CTNNA2: variants seen among roughly 807,000 people sequenced by gnomAD.
CTNNA2 encodes the protein catenin alpha 2, also known as catenin alpha-2.
In CTNNA2, 42 loss-of-function variants were observed where a neutral mutation model predicts 101.0. The ratio of observed to expected loss-of-function variants is 0.42; its 90% confidence interval spans 0.32 to 0.54. CTNNA2 has a LOEUF of 0.54. Among genes scored for constraint, CTNNA2 ranks in the 20% least tolerant of loss-of-function variants. The probability of loss-of-function intolerance (pLI) is 0.14; values close to 1 mark genes in which losing one functional copy is unlikely to be tolerated. For missense variants in CTNNA2, 871 were observed against 1,223.1 expected (o/e 0.71, Z 4.29); for synonymous variants, 450 against 456.4 (o/e 0.99, Z 0.18).
intron 7 of CTNNA2, among the ~76,000 whole-genome samples, chr2:80,176,093 A>G (rs1409067205): frequency 6.6e-6 from 1 of 152,198 alleles, no homozygotes; most frequent in Non-Finnish European, 1.5e-5. Flanking sequence ...TCCAGGAACA[A>G]TACTTTGCAT....
In CTNNA2 at chr2:79,769,567, T is replaced by G. The variant is rs575242680; in HGVS notation, c.298+24985T>G. On this transcript the variant is annotated intron_variant, in intron 3 of 18. Transcript: ENST00000402739. Reference sequence around the variant, plus strand: ...TCCTAATTTAGCCCTTAGTAAAGATTAATCCCTAGCTCTGTCATTGTGCCT... The same window carrying G: ...TCCTAATTTAGCCCTTAGTAAAGATGAATCCCTAGCTCTGTCATTGTGCCT... Among the ~76,000 whole-genome samples the G allele has an allele frequency of 1.3e-4, 20 of 152,336 alleles. 2 individuals are homozygous for G. In the South Asian group the frequency reaches 3.9e-3, roughly 30 times the overall value.
intron 7 of CTNNA2, among the ~76,000 whole-genome samples, chr2:80,203,328 G>C (rs939235501): frequency 2.0e-5 from 3 of 152,172 alleles, no homozygotes; most frequent in East Asian, 3.8e-4. Context: ...TCCAAGACAA[G>C]CAATTCCCTT....
intron 7 of CTNNA2, among the ~76,000 whole-genome samples, chr2:80,356,230 G>A (rs1286174642): frequency 6.6e-6 from 1 of 152,150 alleles, no homozygotes; most frequent in Non-Finnish European, 1.5e-5. Context: ...CAAAAACCAG[G>A]TAAGTGGATT....
chr2:79,612,414 TA>T (rs1678336911), intron 1 of CTNNA2, among the ~76,000 whole-genome samples: 1 of 152,176 alleles, frequency 6.6e-6, no homozygotes, highest in Non-Finnish European at 1.5e-5. Flanking sequence ...GTTTCATTGT[TA>T]GGTAGACTGT....
At chr2:79,886,858 C>T (rs1683919883) in intron 6 of CTNNA2, among the ~76,000 whole-genome samples, 1 of 150,284 alleles carries the variant, frequency 6.7e-6, no homozygotes, top group South Asian at 2.1e-4. Context: ...ACAGGGTCTC[C>T]CTCTGTCACC....
At chr2:80,075,868 C>A (rs947661899) in intron 7 of CTNNA2, among the ~76,000 whole-genome samples, 2 of 149,768 alleles carry the variant, frequency 1.3e-5, no homozygotes, top group African/African-American at 4.9e-5. Context: ...GTGTCTTAGG[C>A]CATCACTCTA....
chr2:80,182,790 G>T (rs1705865611), intron 7 of CTNNA2, among the ~76,000 whole-genome samples: 1 of 152,190 alleles, frequency 6.6e-6, no homozygotes, highest in Non-Finnish European at 1.5e-5. Context: ...CCAGGCAGAA[G>T]CAGTAGTGAG....
intron 2 of CTNNA2, among the ~76,000 whole-genome samples, chr2:79,659,866 G>C (rs1376404907): frequency 6.6e-6 from 1 of 152,066 alleles, no homozygotes; most frequent in South Asian, 2.1e-4. Context: ...TCCAGGTGTG[G>C]TGGCACATGC....
rs531878512 is a variant in CTNNA2, at chr2:79,467,248, G to A, written c.-134-37806G>A. On this transcript the variant is annotated intron_variant, in intron 4 of 21. Coordinates refer to the CTNNA2 transcript ENST00000466387. The stretch of plus-strand genomic sequence containing the variant: ...GACAAATGCACAAGCTTCAGTAGCC[G>A]ATTTGATCAACTGGAAGAAAGGGTA... Among the ~76,000 whole-genome samples the A allele has an allele frequency of 2.8e-4, 43 of 152,280 alleles. 2 individuals are homozygous for A. The East Asian group carries it at 5.4e-3, about 19-fold the overall frequency.
intron 7 of CTNNA2, chr2:80,298,054 C>A (rs1011026932): frequency 3.3e-5 from 5 of 150,774 alleles, no homozygotes; most frequent in Non-Finnish European, 5.9e-5. Flanking sequence ...TATATATACA[C>A]ACACACACAT....
chr2:79,720,851 A>AT (rs1383721172), intron 2 of CTNNA2, among the ~76,000 whole-genome samples: 7 of 152,034 alleles, frequency 4.6e-5, no homozygotes, highest in African/African-American at 1.7e-4. Flanking sequence ...TCCTATTTGG[A>AT]TGCTTTTCTT....
intron 1 of CTNNA2, among the ~76,000 whole-genome samples, chr2:79,588,296 A>T (rs1281482337): frequency 6.6e-6 from 1 of 152,206 alleles, no homozygotes; most frequent in Non-Finnish European, 1.5e-5. Context: ...TACATTTGTA[A>T]GACAGTATTT....
chr2:80,515,509 C>T (rs755089231), intron 9 of CTNNA2, among the ~76,000 whole-genome samples: 2 of 152,132 alleles, frequency 1.3e-5, no homozygotes, highest in Non-Finnish European at 2.9e-5. Flanking sequence ...TTTGAGACCT[C>T]AAAGATATTA....
At chr2:79,659,890 G>A (rs1681897861) in intron 2 of CTNNA2, among the ~76,000 whole-genome samples, 1 of 152,134 alleles carries the variant, frequency 6.6e-6, no homozygotes, top group Non-Finnish European at 1.5e-5. Flanking sequence ...CTGCTCTGGA[G>A]GCTGAGACAA....
intron 2 of CTNNA2, among the ~76,000 whole-genome samples, chr2:79,698,122 C>T (rs766786888): frequency 2.0e-5 from 3 of 151,914 alleles, no homozygotes; most frequent in Non-Finnish European, 4.4e-5. Context: ...ATGTAAGCTT[C>T]GGATGAGTAT....
At chr2:79,565,460 A>G (rs1004372253) in intron 1 of CTNNA2, among the ~76,000 whole-genome samples, 1 of 151,966 alleles carries the variant, frequency 6.6e-6, no homozygotes. Flanking sequence ...ACCCCTTTAT[A>G]CTTGGCTGTC....
chr2:79,253,305 A>G (rs1674797101), intron 2 of CTNNA2, among the ~76,000 whole-genome samples: 1 of 152,226 alleles, frequency 6.6e-6, no homozygotes, highest in South Asian at 2.1e-4. Context: ...TTAATGAGAA[A>G]TGAGCTCTGA....
rs1313798540 is a variant in CTNNA2 at position 80,110,518 on chromosome 2, A to G, written c.1056+200721A>G. ...CCTCTGTGGATTCTCAATAAATGCT[A>G]TGAGAATTAATTAGCTAAAGAAGAG... On this transcript the variant is annotated intron_variant, in intron 7 of 18. Transcript: ENST00000402739. Among the ~76,000 whole-genome samples the G allele has an allele frequency of 2.4e-4, 37 of 152,152 alleles. 1 individual carries two copies. The highest frequency in any genetic ancestry group is 2.4e-3 in the Admixed American group (37 of 15,268).
At chr2:80,434,203 T>C (rs904796885) in intron 9 of CTNNA2, among the ~76,000 whole-genome samples, 4 of 152,212 alleles carry the variant, frequency 2.6e-5, no homozygotes, top group Non-Finnish European at 5.9e-5. Flanking sequence ...ACAATTTCCA[T>C]GACAAGTTGT....
Sources: allele counts gnomAD v4.1 joint callset (sites outside exome capture counted in the v4.1 genomes callset), GRCh38; gene constraint gnomAD v4.1.1; transcripts MANE v1.5; gene names NCBI Gene and HGNC (gene_info 2026-07-23, HGNC 2026-07-21).